PEX5: variants seen among roughly 807,000 people sequenced by gnomAD.
PEX5 encodes PTS1 receptor.
In PEX5, 52 loss-of-function variants were observed where a neutral mutation model predicts 82.9. That is an observed-to-expected ratio of 0.63 (90% CI 0.50 to 0.79). The LOEUF (loss-of-function observed/expected upper bound fraction) is 0.79, where lower values mean the gene tolerates loss of function less well. PEX5 is among the 30% of genes least tolerant of loss of function. The probability of loss-of-function intolerance (pLI) is 0.00; values close to 1 mark genes in which losing one functional copy is unlikely to be tolerated. For missense variants in PEX5, 719 were observed against 815.2 expected, an observed-to-expected ratio of 0.88 and a Z score of 1.44; for synonymous variants, 300 against 318.8, an observed-to-expected ratio of 0.94 and a Z score of 0.63.
At position 7,204,563 on chromosome 12, in the gene PEX5, T is replaced by C. The variant is rs139451373; in HGVS notation, c.966+1012T>C. 1.2e-3 allele frequency among the ~76,000 whole-genome samples: 179 copies of C among 152,344 alleles called. 1 individual carries two copies. Among genetic ancestry groups the C allele is most frequent in the African/African-American group, 4.1e-3 (172 of 41,582 alleles). On this transcript the variant is annotated intron_variant, in intron 10 of 15. Transcript: ENST00000675855. ...AAGACAGCTGGGACCTTGCCATGTA[T>C]TTCACTAGACTATGAGTTCATTGTA...
chr12:7,194,577 T>A (rs1941759311), intron 5 of PEX5, among the ~76,000 whole-genome samples: 1 of 152,210 alleles, frequency 6.6e-6, no homozygotes. Context: ...TGAAGTTCAT[T>A]TTTTTAGCTT....
downstream of PEX5, among the ~76,000 whole-genome samples, chr12:7,212,051 C>T (rs963686252): frequency 1.3e-4 from 19 of 151,380 alleles, no homozygotes; most frequent in South Asian, 1.2e-3. Flanking sequence ...CTGCAGCCTC[C>T]GCCTCCTGGG....
chr12:7,197,705 G>T (rs773771923), intron 5 of PEX5, among the ~76,000 whole-genome samples: 5 of 152,116 alleles, frequency 3.3e-5, no homozygotes, highest in African/African-American at 1.2e-4. Flanking sequence ...AAATGGAGTA[G>T]AAGTTTTTGT....
chr12:7,213,438 T>C (rs1463433612), downstream of PEX5, among the ~76,000 whole-genome samples: 1 of 81,746 alleles, frequency 1.2e-5, no homozygotes, highest in Non-Finnish European at 2.9e-5. Flanking sequence ...TATCTACAAC[T>C]ATCTGATCTT....
intron 5 of PEX5, among the ~76,000 whole-genome samples, chr12:7,196,483 T>C (rs1453334505): frequency 2.9e-5 from 4 of 136,000 alleles, no homozygotes; most frequent in East Asian, 2.1e-4. Context: ...AATTACATCA[T>C]ATATAATGTA....
Position 7,199,040 on chromosome 12 carries a change from G to A in PEX5, c.478G>A (p.Ala160Thr). The A allele has an allele frequency of 6.2e-7, 1 of 1,608,592 alleles. No individual in the cohort carries two copies. Among genetic ancestry groups the A allele is most frequent in the South Asian group, 1.1e-5 (1 of 90,190 alleles). ...DPLSVSPARW[A>T]EEYLEQSEEK... The stretch of plus-strand genomic sequence containing the variant: ...CTTGTCTGTGTCCCCTGCCCGCTGG[G>A]CTGAGGAATATTTGGAGCAATCAGA... Residue 160 changes from alanine (A) to threonine (T), a missense_variant, in exon 6 of 16, where the codon GCT becomes ACT. Ala to Thr is a moderately conservative substitution (Grantham distance 58). Transcript: ENST00000675855.
chr12:7,200,307 A>G (rs12823901), intron 6 of PEX5, among the ~76,000 whole-genome samples: 62,452 of 146,544 alleles, frequency 0.43, 14,792 homozygotes, highest in Admixed American at 0.61. Context: ...TCGGGCAGAG[A>G]CGCTCCTCAC....
chr12:7,200,374 C>T lies in PEX5; in HGVS notation c.551+1261C>T, dbSNP rs377556343. Reference sequence around the variant, plus strand: ...GCTCCTCACTTCCTAGATGGGATGGCGGCCGGGCAGAGACGCTCCTCACTT... The same window carrying T: ...GCTCCTCACTTCCTAGATGGGATGGTGGCCGGGCAGAGACGCTCCTCACTT... On this transcript the variant is annotated intron_variant, in intron 6 of 15. Coordinates refer to ENST00000675855, the MANE Select transcript of PEX5 (RefSeq NM_001351132.2). 1.2e-3 allele frequency among the ~76,000 whole-genome samples: 178 copies of T among 151,472 alleles called. 3 individuals are homozygous for T. In the East Asian group the frequency reaches 0.031, roughly 26 times the overall value.
At chr12:7,201,195 A>G (rs763128149) in intron 6 of PEX5, among the ~76,000 whole-genome samples, 63 of 151,126 alleles carry the variant, frequency 4.2e-4, no homozygotes, top group Admixed American at 1.5e-3. Context: ...ACGCATACAT[A>G]CACATACATG....
At chr12:7,193,833 C>T (rs1469123108) in intron 5 of PEX5, among the ~76,000 whole-genome samples, 2 of 152,194 alleles carry the variant, frequency 1.3e-5, no homozygotes, top group African/African-American at 4.8e-5. Flanking sequence ...TTATCTGTCT[C>T]ACCAGTTAAA....
Position 7,210,126 on chromosome 12 carries a change from G to A in PEX5, c.1823G>A (p.Arg608His), listed in dbSNP as rs201158549. 5.3e-5 allele frequency: 86 copies of A among 1,614,098 alleles called. No individual in the cohort carries two copies. Among genetic ancestry groups the A allele is most frequent in the Non-Finnish European group, 6.4e-5 (75 of 1,180,030 alleles). Reference sequence around the variant, plus strand: ...TCGGAGAACATCTGGAGCACCCTGCGTTTGGCATTGTCTATGTTAGGCCAG... The same window carrying A: ...TCGGAGAACATCTGGAGCACCCTGCATTTGGCATTGTCTATGTTAGGCCAG... ...AMSENIWSTLRLALSMLGQSD... is the reference protein window; with the variant it reads ...AMSENIWSTLHLALSMLGQSD... The change falls in exon 16 of 16, where the codon CGT (arginine) becomes CAT (histidine). Residue 608 changes from arginine to histidine, a missense_variant. Transcript: ENST00000675855.
At chr12:7,198,421 A>G (rs1193452553) in intron 5 of PEX5, among the ~76,000 whole-genome samples, 2 of 152,020 alleles carry the variant, frequency 1.3e-5, no homozygotes, top group South Asian at 2.1e-4. Flanking sequence ...TGTATATTAC[A>G]TTTCAATTAA....
chr12:7,191,408 G>T, intron 4 of PEX5, 50 bp downstream of exon 4: 1 of 1,612,456 alleles, frequency 6.2e-7, no homozygotes, highest in Middle Eastern at 1.7e-4. Flanking sequence ...TGTAGCCAGG[G>T]CCAAGGAAGG....
At chr12:7,195,887 T>C (rs745394630) in intron 5 of PEX5, among the ~76,000 whole-genome samples, 4 of 151,206 alleles carry the variant, frequency 2.6e-5, no homozygotes, top group African/African-American at 7.2e-5. Context: ...AACAGTCTAA[T>C]TGGGGCAAAT....
chr12:7,209,495 T>C (rs1019647484), intron 14 of PEX5, among the ~76,000 whole-genome samples, 188 bp from the exon 15 acceptor site: 10 of 152,156 alleles, frequency 6.6e-5, no homozygotes, highest in African/African-American at 2.4e-4. Flanking sequence ...AGAGTCTGCA[T>C]AGGGTGAGAG....
At chr12:7,200,208 G>A (rs1329270818) in intron 6 of PEX5, among the ~76,000 whole-genome samples, 2 of 151,148 alleles carry the variant, frequency 1.3e-5, no homozygotes, top group African/African-American at 4.9e-5. Flanking sequence ...TCACCTCCCA[G>A]ACGGGGTCGC....
At chr12:7,194,682 T>A (rs12830671) in intron 5 of PEX5, among the ~76,000 whole-genome samples, 1 of 152,146 alleles carries the variant, frequency 6.6e-6, no homozygotes, top group Non-Finnish European at 1.5e-5. Flanking sequence ...AAAACACATC[T>A]TCAGGGTTCT....
In PEX5 at chr12:7,208,057, A is replaced by C; in HGVS notation, c.1158A>C (p.Leu386=). 1 of 1,613,936 alleles carries C rather than the reference A, an allele frequency of 6.2e-7. No individual in the cohort carries two copies. Among genetic ancestry groups the C allele is most frequent in the Non-Finnish European group, 8.5e-7 (1 of 1,179,778 alleles). ...GTTQAENEQE[L]LAISALRRCL... ...CCCAGGCAGAGAATGAACAAGAACT[A>C]TTAGCCATCAGTGCATTGCGGAGGT... Residue 386 remains leucine, a synonymous_variant, in exon 12 of 16, where the codon CTA becomes CTC. Coordinates refer to ENST00000675855, the MANE Select transcript of PEX5 (RefSeq NM_001351132.2).
rs1261377205 is a variant in PEX5 at position 7,200,122 on chromosome 12, C to T, written c.551+1009C>T. On this transcript the variant is annotated intron_variant, in intron 6 of 15. Coordinates refer to ENST00000675855, the MANE Select transcript of PEX5 (RefSeq NM_001351132.2). ...GTGGCTGCCGGGCGGAGACGCTCCT[C>T]ACTTCCCAGACGGGGCGGCTGCCGG... Among the ~76,000 whole-genome samples the T allele has an allele frequency of 1.3e-4, 20 of 150,604 alleles. 3 individuals are homozygous for T. The highest frequency in any genetic ancestry group is 4.0e-4 in the East Asian group (2 of 5,034).
Sources: gnomAD v4.1 joint callset for allele counts (sites outside exome capture counted in the v4.1 genomes callset) on GRCh38, gnomAD v4.1.1 for gene constraint, MANE v1.5 for transcripts, NCBI Gene and HGNC (gene_info 2026-07-23, HGNC 2026-07-21) for gene names.